Variants in USP32 observed in about 807,000 individuals in gnomAD.
USP32 encodes ubiquitin specific peptidase 32.
A neutral mutation model predicts 204.8 loss-of-function variants in USP32; 59 were observed. The ratio of observed to expected loss-of-function variants is 0.29; its 90% CI spans 0.23 to 0.36. The LOEUF is 0.36. Ranked by LOEUF, USP32 falls within the 10% of genes least tolerant of loss-of-function variation. The pLI is 1.00. For missense variants in USP32, 1,160 were observed against 1,946.4 expected, an observed-to-expected ratio of 0.60 and a Z score of 7.60; for synonymous variants, 517 against 678.4, an observed-to-expected ratio of 0.76 and a Z score of 3.70.
At chr17:60,299,912 A>G (rs908828531) in intron 3 of USP32, among the ~76,000 whole-genome samples, 6 of 152,144 alleles carry the variant, frequency 3.9e-5, no homozygotes, top group Non-Finnish European at 5.9e-5. Flanking sequence ...GGGAAAATAT[A>G]AAGGGTCTCT....
intron 1 of USP32, among the ~76,000 whole-genome samples, chr17:60,369,245 C>G (rs900065462): frequency 5.1e-5 from 7 of 137,682 alleles, no homozygotes; most frequent in South Asian, 4.2e-4. Context: ...CCGCCCGCCT[C>G]GGCCTCCCAA....
At chr17:60,268,848 T>C (rs984075775) in intron 7 of USP32, among the ~76,000 whole-genome samples, 8 of 152,158 alleles carry the variant, frequency 5.3e-5, no homozygotes, top group African/African-American at 1.9e-4. Context: ...GGAAGATTTA[T>C]TTTAGAAAGA....
At chr17:60,295,358 T>C (rs530380595) in intron 3 of USP32, among the ~76,000 whole-genome samples, 98 of 152,202 alleles carry the variant, frequency 6.4e-4, no homozygotes, top group African/African-American at 2.1e-3. Flanking sequence ...TCAAAAGATA[T>C]AATATTCAGA....
chr17:60,236,348 T>C (rs1161304886), intron 11 of USP32, 108 bp from the exon 12 acceptor site: 4 of 876,006 alleles, frequency 4.6e-6, no homozygotes, highest in Non-Finnish European at 7.2e-6. Flanking sequence ...AACATTTAGA[T>C]GTAATTAGGA....
At chr17:60,352,103 A>G (rs1226582394) in intron 1 of USP32, among the ~76,000 whole-genome samples, 1 of 152,232 alleles carries the variant, frequency 6.6e-6, no homozygotes, top group Non-Finnish European at 1.5e-5. Context: ...TGGGCAGACA[A>G]AACAGAACCC....
chr17:60,414,628 C>A (rs2090046360), intron 1 of USP32, among the ~76,000 whole-genome samples: 1 of 151,384 alleles, frequency 6.6e-6, no homozygotes. Context: ...GGGGTTTTGC[C>A]ATGTTGGTCA....
At chr17:60,291,149 G>T (rs1479021451) in intron 4 of USP32, among the ~76,000 whole-genome samples, 1 of 152,168 alleles carries the variant, frequency 6.6e-6, no homozygotes, top group Non-Finnish European at 1.5e-5. Context: ...CTGAACTCAG[G>T]TAGTCCAGGC....
At chr17:60,301,786 T>C in intron 2 of USP32, 82 bp from the exon 3 acceptor site, 1 of 914,808 alleles carries the variant, frequency 1.1e-6, no homozygotes, top group Non-Finnish European at 1.7e-6. Context: ...TTAACAAATT[T>C]TATCTCCACC....
At chr17:60,417,434 C>T (rs1054595606) in intron 1 of USP32, among the ~76,000 whole-genome samples, 2 of 151,762 alleles carry the variant, frequency 1.3e-5, no homozygotes, top group Non-Finnish European at 2.9e-5. Flanking sequence ...GCATAAGCCA[C>T]ATGCCCAGCT....
chr17:60,244,911 C>T (rs775465924), intron 11 of USP32, among the ~76,000 whole-genome samples: 207 of 152,206 alleles, frequency 1.4e-3, no homozygotes, highest in Non-Finnish European at 2.3e-3. Context: ...GGATTACAGG[C>T]GTGAGCCATG....
chr17:60,262,495 A>G (rs1468001813), intron 9 of USP32, among the ~76,000 whole-genome samples: 15 of 152,178 alleles, frequency 9.9e-5, no homozygotes, highest in Non-Finnish European at 2.1e-4. Context: ...CCCAACCTAT[A>G]TGACTTATTT....
chr17:60,231,473 G>A (rs749081759), intron 12 of USP32: 2 of 460,362 alleles, frequency 4.3e-6, no homozygotes, highest in African/African-American at 4.0e-5. Flanking sequence ...TGTAAATTCA[G>A]AGAAGAGAGG....
intron 29 of USP32, among the ~76,000 whole-genome samples, chr17:60,186,429 C>A (rs2084252585): frequency 6.6e-6 from 1 of 152,168 alleles, no homozygotes; most frequent in Non-Finnish European, 1.5e-5. Flanking sequence ...GAAAAGCTCA[C>A]CATGAGAAGA....
At chr17:60,194,367 G>T (rs555391757) in intron 27 of USP32, among the ~76,000 whole-genome samples, 1 of 152,234 alleles carries the variant, frequency 6.6e-6, no homozygotes, top group South Asian at 2.1e-4. Context: ...ATTCTCATAC[G>T]TTCCAGAACC....
At chr17:60,421,906 G>A in intron 1 of USP32, 1 of 985,542 alleles carries the variant, frequency 1.0e-6, no homozygotes, top group Non-Finnish European at 1.2e-6. Flanking sequence ...GTGTGAAGCG[G>A]GACCGCTGCG....
At chr17:60,267,807 C>T (rs938810530) in intron 7 of USP32, among the ~76,000 whole-genome samples, 1 of 151,724 alleles carries the variant, frequency 6.6e-6, no homozygotes, top group African/African-American at 2.4e-5. Flanking sequence ...GTGTGAGCCA[C>T]CGTGCCAGGC....
chr17:60,279,698 C>G lies in USP32; in HGVS notation c.572-8217G>C, dbSNP rs537045102. On this transcript the variant is annotated intron_variant, in intron 5 of 33. Coordinates refer to ENST00000300896, the MANE Select transcript of USP32 (RefSeq NM_032582.4). ...CAAAAAATACAAAACTTAGCCAGGC[C>G]TGGTGGTGTGCGCCTGTAGTCCCAG... is the stretch of plus-strand genomic sequence containing the variant. Among the ~76,000 whole-genome samples the G allele has an allele frequency of 1.3e-3, 198 of 150,974 alleles. 1 individual carries two copies. The highest frequency in any genetic ancestry group is 4.5e-3 in the African/African-American group (185 of 41,144).
intron 1 of USP32, among the ~76,000 whole-genome samples, chr17:60,349,596 A>AAAATAT (rs1555618242): frequency 1.5e-5 from 1 of 65,202 alleles, no homozygotes; most frequent in Non-Finnish European, 2.5e-5. Flanking sequence ...AAAAAAAAAA[A>AAAATAT]ATATATATAT....
At chr17:60,328,026 G>A (rs1428595486) in intron 2 of USP32, among the ~76,000 whole-genome samples, 1 of 152,260 alleles carries the variant, frequency 6.6e-6, no homozygotes, top group Non-Finnish European at 1.5e-5. Context: ...ATGGATGGCG[G>A]CAGGCAGCAG....
Sources: allele counts gnomAD v4.1 joint callset (sites outside exome capture counted in the v4.1 genomes callset), GRCh38; gene constraint gnomAD v4.1.1; transcripts MANE v1.5; gene names NCBI Gene and HGNC (gene_info 2026-07-23, HGNC 2026-07-21).